GRIA4: variants seen among roughly 807,000 people sequenced by gnomAD.
GRIA4 encodes glutamate ionotropic receptor AMPA type subunit 4.
GRIA4 carries 34 observed loss-of-function variants against 104.0 expected under a neutral mutation model. The ratio of observed to expected loss-of-function variants is 0.33; its 90% CI spans 0.25 to 0.44. GRIA4 has a LOEUF of 0.44. GRIA4 is among the 20% of genes least tolerant of loss of function. The probability of loss-of-function intolerance (pLI) is 1.00; values close to 1 mark genes in which losing one functional copy is unlikely to be tolerated. For synonymous variants in GRIA4, 386 were observed against 381.9 expected, an observed-to-expected ratio of 1.01 and a Z score of -0.13; for missense variants, 750 against 1,096.5, an observed-to-expected ratio of 0.68 and a Z score of 4.46.
intron 4 of GRIA4, among the ~76,000 whole-genome samples, chr11:105,828,951 T>C (rs11226858): frequency 0.32 from 49,181 of 151,864 alleles, 8,168 homozygotes; most frequent in South Asian, 0.42. Flanking sequence ...CTTGCTGATA[T>C]TAAAAATTAA....
At chr11:105,635,054 G>A (rs1170952783) in intron 3 of GRIA4, among the ~76,000 whole-genome samples, 1 of 151,984 alleles carries the variant, frequency 6.6e-6, no homozygotes, top group Non-Finnish European at 1.5e-5. Context: ...TAATAAATTC[G>A]GTGATACACA....
chr11:105,745,188 T>A (rs1299901390), intron 3 of GRIA4, among the ~76,000 whole-genome samples: 2 of 152,164 alleles, frequency 1.3e-5, no homozygotes, highest in African/African-American at 4.8e-5. Context: ...ATAATAACGA[T>A]ATTAATAAAT....
chr11:105,841,105 C>G (rs1177322742), intron 4 of GRIA4, among the ~76,000 whole-genome samples: 1 of 152,036 alleles, frequency 6.6e-6, no homozygotes, highest in Non-Finnish European at 1.5e-5. Context: ...ATGATTAGCA[C>G]TTCTCTATAT....
At chr11:105,702,938 G>C (rs1167148581) in intron 3 of GRIA4, among the ~76,000 whole-genome samples, 4 of 151,938 alleles carry the variant, frequency 2.6e-5, no homozygotes, top group Middle Eastern at 3.2e-3. Context: ...CAAGTGATCT[G>C]CCCATCTCAG....
chr11:105,872,775 G>A (rs1945664117), intron 5 of GRIA4, among the ~76,000 whole-genome samples: 1 of 151,696 alleles, frequency 6.6e-6, no homozygotes, highest in Non-Finnish European at 1.5e-5. Context: ...ACTACTTTTG[G>A]AATTATCATG....
chr11:105,831,907 A>G (rs1414238562), intron 4 of GRIA4, among the ~76,000 whole-genome samples: 1 of 152,036 alleles, frequency 6.6e-6, no homozygotes, highest in Non-Finnish European at 1.5e-5. Context: ...TGTACTTTCT[A>G]AATGGGGACA....
chr11:105,921,824 T>C (rs1298488422), intron 11 of GRIA4, among the ~76,000 whole-genome samples: 1 of 151,958 alleles, frequency 6.6e-6, no homozygotes, highest in Non-Finnish European at 1.5e-5. Flanking sequence ...GATGACTACT[T>C]GGAGAATTAA....
chr11:105,796,118 T>C (rs1942470265), intron 4 of GRIA4, among the ~76,000 whole-genome samples: 1 of 152,152 alleles, frequency 6.6e-6, no homozygotes, highest in Non-Finnish European at 1.5e-5. Flanking sequence ...TTCAATTTTA[T>C]CTTCAGCCAA....
intron 4 of GRIA4, among the ~76,000 whole-genome samples, chr11:105,755,675 A>C (rs1205220647): frequency 6.6e-6 from 1 of 152,242 alleles, no homozygotes; most frequent in Non-Finnish European, 1.5e-5. Context: ...CCTCCAGCAG[A>C]GCTCAGCACT....
chr11:105,844,089 G>GC (rs1361152622), intron 4 of GRIA4, among the ~76,000 whole-genome samples: 1 of 152,086 alleles, frequency 6.6e-6, no homozygotes, highest in Non-Finnish European at 1.5e-5. Flanking sequence ...AGTGCCCAAT[G>GC]CCCCCTTTCA....
intron 14 of GRIA4, among the ~76,000 whole-genome samples, chr11:105,963,082 TC>T (rs1262880860): frequency 5.7e-4 from 86 of 152,172 alleles, no homozygotes; most frequent in African/African-American, 1.9e-3. Context: ...GCAGCGAGTA[TC>T]TGCTTTCTAC....
At chr11:105,913,930 C>T (rs1014332120) in intron 10 of GRIA4, among the ~76,000 whole-genome samples, 13 of 151,862 alleles carry the variant, frequency 8.6e-5, no homozygotes, top group Middle Eastern at 3.2e-3. Flanking sequence ...CATGATCTTT[C>T]CAGAGGTTAT....
intron 4 of GRIA4, among the ~76,000 whole-genome samples, chr11:105,854,160 C>A (rs1447316131): frequency 6.6e-6 from 1 of 152,054 alleles, no homozygotes; most frequent in Admixed American, 6.6e-5. Flanking sequence ...AGACAATAAA[C>A]AAGGTGAGTG....
rs149543824 is a variant in GRIA4 at position 105,974,305 on chromosome 11, C to T, written c.2410-5C>T. On this transcript the variant is annotated splice_region_variant and splice_polypyrimidine_tract_variant and intron_variant, in intron 15 of 16. Coordinates refer to ENST00000282499, the MANE Select transcript of GRIA4 (RefSeq NM_000829.4). ...AGTTAACTGAAGTGTCTTTATCCCC[C>T]CTAGGACAAGACGAGTGCCTTGAGC... 2.6e-4 allele frequency: 419 copies of T among 1,613,456 alleles called. 1 individual carries two copies. The African/African-American group carries it at 4.9e-3, about 19-fold the overall frequency.
At chr11:105,755,717 C>T (rs747532065) in intron 4 of GRIA4, among the ~76,000 whole-genome samples, 48 of 152,304 alleles carry the variant, frequency 3.2e-4, no homozygotes, top group Non-Finnish European at 2.5e-4. Flanking sequence ...GCAGGTAGTT[C>T]TTACTAGTGT....
intron 13 of GRIA4, among the ~76,000 whole-genome samples, chr11:105,930,083 A>G (rs1409917748): frequency 6.6e-6 from 1 of 152,140 alleles, no homozygotes; most frequent in Admixed American, 6.6e-5. Context: ...TGTACTTGAT[A>G]CAGTGACATT....
At chr11:105,744,365 C>T (rs1339535087) in intron 3 of GRIA4, among the ~76,000 whole-genome samples, 2 of 152,090 alleles carry the variant, frequency 1.3e-5, no homozygotes, top group African/African-American at 4.8e-5. Context: ...AAGGAGAAAA[C>T]ACTAATAAGC....
intron 4 of GRIA4, among the ~76,000 whole-genome samples, chr11:105,821,910 C>T (rs930346921): frequency 3.7e-4 from 57 of 152,230 alleles, no homozygotes; most frequent in Admixed American, 3.7e-3. Context: ...ACTGCTGCTT[C>T]GAGGTACCCA....
At chr11:105,647,882 C>G (rs1266718265) in intron 3 of GRIA4, among the ~76,000 whole-genome samples, 1 of 151,822 alleles carries the variant, frequency 6.6e-6, no homozygotes, top group Non-Finnish European at 1.5e-5. Context: ...TTCCTTGAAC[C>G]CTGGAGGTTG....
Sources: gnomAD v4.1 joint callset for allele counts (sites outside exome capture counted in the v4.1 genomes callset) on GRCh38, gnomAD v4.1.1 for gene constraint, MANE v1.5 for transcripts, NCBI Gene and HGNC (gene_info 2026-07-23, HGNC 2026-07-21) for gene names.